The following PDE1C variants were observed in gnomAD, a reference collection of about 807,000 sequenced individuals.
PDE1C encodes dual specificity calcium/calmodulin-dependent 3',5'-cyclic nucleotide phosphodiesterase 1C.
A neutral mutation model predicts 93.1 loss-of-function variants in PDE1C; 62 were observed. That is an observed-to-expected ratio of 0.67 (90% confidence interval 0.54 to 0.82). The LOEUF is 0.82. Ranked by LOEUF, PDE1C falls within the 40% of genes least tolerant of loss-of-function variation. The pLI is 0.00. For synonymous variants in PDE1C, 325 were observed against 310.1 expected, an observed-to-expected ratio of 1.05 and a Z score of -0.50; for missense variants, 742 against 884.6, an observed-to-expected ratio of 0.84 and a Z score of 2.04.
At chr7:31,998,389 G>A (rs1785036988) in intron 2 of PDE1C, among the ~76,000 whole-genome samples, 1 of 152,196 alleles carries the variant, frequency 6.6e-6, no homozygotes, top group African/African-American at 2.4e-5. Context: ...GGATGCATTA[G>A]TAAATACATA....
rs1377912997 is a variant in PDE1C at position 32,374,315 on chromosome 7, GA to G, written c.310+53506del. ...AGAAAGAAAGAAAGAAAGAAGAAAA[GA>G]AAAGAAAACTATGTTCTCTCCCTTT... is the stretch of plus-strand genomic sequence containing the variant. On this transcript the variant is annotated intron_variant, in intron 1 of 1. Coordinates refer to the PDE1C transcript ENST00000672256. Among the ~76,000 whole-genome samples, 7 of 151,136 alleles carry G rather than the reference GA, an allele frequency of 4.6e-5. 1 individual carries two copies. Among genetic ancestry groups the G allele is most frequent in the African/African-American group, 9.7e-5 (4 of 41,142 alleles).
intron 2 of PDE1C, among the ~76,000 whole-genome samples, chr7:31,886,531 G>A (rs1049730025): frequency 2.0e-5 from 3 of 152,166 alleles, no homozygotes; most frequent in Non-Finnish European, 4.4e-5. Flanking sequence ...CTTCTCTCAG[G>A]TAGGGAAGAC....
intron 2 of PDE1C, among the ~76,000 whole-genome samples, chr7:31,961,583 G>A (rs1029004315): frequency 2.6e-5 from 4 of 152,066 alleles, no homozygotes; most frequent in Non-Finnish European, 5.9e-5. Flanking sequence ...CACAGGTAAG[G>A]AGACGGGTTG....
At chr7:31,675,496 C>A in the PDE1C span, among the ~76,000 whole-genome samples, 1 of 152,054 alleles carries the variant, frequency 6.6e-6, no homozygotes, top group African/African-American at 2.4e-5. Context: ...CTTCTTAGAT[C>A]TTTCATCCTC....
At chr7:32,272,034 C>G (rs1169550230) in intron 1 of PDE1C, among the ~76,000 whole-genome samples, 1 of 152,212 alleles carries the variant, frequency 6.6e-6, no homozygotes, top group Admixed American at 6.5e-5. Flanking sequence ...AGCAGCTCAG[C>G]CTTGGAAGGA....
intron 1 of PDE1C, among the ~76,000 whole-genome samples, chr7:32,426,300 G>T (rs1359730351): frequency 4.1e-5 from 6 of 146,574 alleles, no homozygotes; most frequent in Non-Finnish European, 7.5e-5. Flanking sequence ...TTGAGATAGG[G>T]TCTTACTTTG....
chr7:32,205,628 G>C (rs1043683511), intron 2 of PDE1C, among the ~76,000 whole-genome samples: 2 of 152,190 alleles, frequency 1.3e-5, no homozygotes, highest in Admixed American at 6.5e-5. Context: ...GTTTGGGTCT[G>C]CTTGTGCCCT....
intron 3 of PDE1C, among the ~76,000 whole-genome samples, chr7:32,096,450 A>G (rs1473313768): frequency 1.3e-5 from 2 of 152,190 alleles, no homozygotes; most frequent in Non-Finnish European, 2.9e-5. Context: ...AAATGTCAAG[A>G]GAATAAACTG....
intron 1 of PDE1C, among the ~76,000 whole-genome samples, chr7:32,359,091 C>T (rs1256756728): frequency 6.6e-6 from 1 of 152,108 alleles, no homozygotes; most frequent in Non-Finnish European, 1.5e-5. Context: ...ATTCCTCATC[C>T]CCCACCTTTG....
At chr7:31,941,070 C>T (rs1170434580) in intron 2 of PDE1C, among the ~76,000 whole-genome samples, 2 of 151,980 alleles carry the variant, frequency 1.3e-5, no homozygotes, top group East Asian at 3.9e-4. Flanking sequence ...TATTTCAAAA[C>T]ACCAAGCAGC....
intron 3 of PDE1C, among the ~76,000 whole-genome samples, chr7:32,148,865 G>A (rs1801067741): frequency 6.6e-6 from 1 of 152,096 alleles, no homozygotes; most frequent in Non-Finnish European, 1.5e-5. Flanking sequence ...GACAATAATT[G>A]TGGATTTCAG....
the PDE1C span, among the ~76,000 whole-genome samples, chr7:31,696,668 G>A: frequency 9.2e-5 from 14 of 152,122 alleles, no homozygotes; most frequent in Admixed American, 8.5e-4. Flanking sequence ...AATACCCTGG[G>A]CACATTTCTT....
chr7:31,920,769 C>T (rs1425138588), intron 2 of PDE1C, among the ~76,000 whole-genome samples: 8 of 152,138 alleles, frequency 5.3e-5, no homozygotes, highest in Admixed American at 2.6e-4. Flanking sequence ...TTGAGCCCAA[C>T]GTGAGGAAAA....
At chr7:31,969,347 T>C (rs1268133656) in intron 2 of PDE1C, among the ~76,000 whole-genome samples, 1 of 152,118 alleles carries the variant, frequency 6.6e-6, no homozygotes, top group Non-Finnish European at 1.5e-5. Flanking sequence ...GAACAGACAC[T>C]TCTCAAAAGA....
chr7:32,295,769 C>G, intron 1 of PDE1C, among the ~76,000 whole-genome samples: 1 of 151,972 alleles, frequency 6.6e-6, no homozygotes, highest in Non-Finnish European at 1.5e-5. Flanking sequence ...TGGCGGGCGC[C>G]TGTAGTCCCA....
rs1369475681 is a variant in PDE1C, at chr7:31,801,228, G to T, written c.1891+7803C>A. ...AAATATATTAACCTTTAGCCATGCAGATCAGGGAAAAAGAGAGAAAACACA... is the reference window on the plus strand; with the variant it reads ...AAATATATTAACCTTTAGCCATGCATATCAGGGAAAAAGAGAGAAAACACA... On this transcript the variant is annotated intron_variant, in intron 16 of 17. Transcript: ENST00000396191. 2.0e-5 allele frequency among the ~76,000 whole-genome samples: 3 copies of T among 151,084 alleles called. No individual in the cohort carries two copies. The East Asian group carries it at 5.9e-4, about 29-fold the overall frequency.
chr7:32,107,019 TA>T (rs138497103), intron 3 of PDE1C, among the ~76,000 whole-genome samples: 3,207 of 150,398 alleles, frequency 0.021, 122 homozygotes, highest in African/African-American at 0.075. Flanking sequence ...AAATAAATTT[TA>T]AAAAACAGTG....
intron 1 of PDE1C, among the ~76,000 whole-genome samples, chr7:32,386,069 G>A (rs945688665): frequency 4.9e-5 from 7 of 141,604 alleles, no homozygotes; most frequent in Non-Finnish European, 9.1e-5. Context: ...TCTTTCCTTT[G>A]TCCCTCCACC....
At chr7:31,651,263 A>T in the PDE1C span, 28 of 1,613,016 alleles carry the variant, frequency 1.7e-5, no homozygotes, top group Non-Finnish European at 2.4e-5. Flanking sequence ...ATGTCAGAGG[A>T]GGAAAGGTAA....
Sources: allele counts gnomAD v4.1 joint callset (sites outside exome capture counted in the v4.1 genomes callset), GRCh38; gene constraint gnomAD v4.1.1; transcripts MANE v1.5; gene names NCBI Gene and HGNC (gene_info 2026-07-23, HGNC 2026-07-21).